SMARCC1: variants seen among roughly 807,000 people sequenced by gnomAD.
SMARCC1 encodes SWI/SNF complex subunit SMARCC1.
A neutral mutation model predicts 147.4 loss-of-function variants in SMARCC1; 43 were observed. The ratio of observed to expected loss-of-function variants is 0.29; its 90% confidence interval spans 0.23 to 0.38. The LOEUF (loss-of-function observed/expected upper bound fraction) is 0.38. Ranked by LOEUF, SMARCC1 falls within the 10% of genes least tolerant of loss-of-function variation. The probability of loss-of-function intolerance (pLI) is 1.00; values close to 1 mark genes in which losing one functional copy is unlikely to be tolerated. For synonymous variants in SMARCC1, 495 were observed against 484.4 expected, an observed-to-expected ratio of 1.02 and a Z score of -0.29; for missense variants, 1,119 against 1,381.1, an observed-to-expected ratio of 0.81 and a Z score of 3.01.
chr3:47,764,404 G>T (rs1170829719), intron 2 of SMARCC1, among the ~76,000 whole-genome samples: 1 of 152,048 alleles, frequency 6.6e-6, no homozygotes, highest in Non-Finnish European at 1.5e-5. Context: ...CAGGGAGAGA[G>T]AGAAAGATGA....
At chr3:47,759,381 G>C (rs1387408254) in intron 2 of SMARCC1, among the ~76,000 whole-genome samples, 1 of 151,390 alleles carries the variant, frequency 6.6e-6, no homozygotes, top group Non-Finnish European at 1.5e-5. Flanking sequence ...CCAGCACTTT[G>C]GGAGGCTGAG....
At chr3:47,621,450 A>G (rs2032730236) in intron 25 of SMARCC1, among the ~76,000 whole-genome samples, 1 of 152,244 alleles carries the variant, frequency 6.6e-6, no homozygotes, top group Non-Finnish European at 1.5e-5. Context: ...TGTGGTACAT[A>G]TATACTATGA....
chr3:47,667,287 C>T (rs1218277227), intron 19 of SMARCC1, among the ~76,000 whole-genome samples: 1 of 148,748 alleles, frequency 6.7e-6, no homozygotes, highest in Non-Finnish European at 1.5e-5. Context: ...CACTGCACTC[C>T]AGCCTGGGCG....
intron 1 of SMARCC1, among the ~76,000 whole-genome samples, chr3:47,778,016 G>A (rs1392957135): frequency 6.6e-6 from 1 of 150,458 alleles, no homozygotes; most frequent in East Asian, 2.0e-4. Context: ...GCCCAGCCTG[G>A]CCAACATGGT....
chr3:47,773,069 A>G, intron 1 of SMARCC1, 133 bp from the exon 2 acceptor site: 1 of 641,400 alleles, frequency 1.6e-6, no homozygotes, highest in South Asian at 3.0e-5. Flanking sequence ...TCTGTGCTAT[A>G]AAGGAGCTTA....
chr3:47,657,652 A>G (rs1231852466), intron 21 of SMARCC1, among the ~76,000 whole-genome samples: 1 of 152,006 alleles, frequency 6.6e-6, no homozygotes, highest in East Asian at 1.9e-4. Context: ...ACACACACAC[A>G]CACCAACAAA....
At chr3:47,744,555 T>C (rs2034546227) in intron 3 of SMARCC1, among the ~76,000 whole-genome samples, 1 of 152,164 alleles carries the variant, frequency 6.6e-6, no homozygotes, top group Non-Finnish European at 1.5e-5. Flanking sequence ...AGTATTGGGT[T>C]AGCTTAACTT....
At chr3:47,660,604 C>T (rs1019323478) in intron 21 of SMARCC1, among the ~76,000 whole-genome samples, 1 of 152,056 alleles carries the variant, frequency 6.6e-6, no homozygotes, top group African/African-American at 2.4e-5. Context: ...AAACATTATG[C>T]TAAGTCAAAG....
At chr3:47,738,745 G>A (rs2034474655) in intron 3 of SMARCC1, among the ~76,000 whole-genome samples, 1 of 152,010 alleles carries the variant, frequency 6.6e-6, no homozygotes, top group Non-Finnish European at 1.5e-5. Context: ...ATAAAGGAAA[G>A]CATCTTGGGT....
At chr3:47,600,997 ATGAGAG>A (rs1351541601) in intron 26 of SMARCC1, among the ~76,000 whole-genome samples, 9 of 28,874 alleles carry the variant, frequency 3.1e-4, no homozygotes, top group African/African-American at 1.2e-3. Flanking sequence ...GAGGAAGAAA[ATGAGAG>A]AGAGAGAGAG....
chr3:47,694,867 CTATGTAA>C (rs2033829110), intron 11 of SMARCC1, among the ~76,000 whole-genome samples: 3 of 152,130 alleles, frequency 2.0e-5, no homozygotes, highest in African/African-American at 7.2e-5. Context: ...ACGGTAAATA[CTATGTAA>C]TTTAGTCTAA....
chr3:47,684,666 C>T (rs2033699425), intron 14 of SMARCC1, among the ~76,000 whole-genome samples: 1 of 152,092 alleles, frequency 6.6e-6, no homozygotes, highest in Admixed American at 6.6e-5. Context: ...TATTCTTGAA[C>T]TGCTGACCTC....
chr3:47,738,632 C>T (rs2034472809), intron 3 of SMARCC1, among the ~76,000 whole-genome samples: 1 of 151,598 alleles, frequency 6.6e-6, no homozygotes, highest in African/African-American at 2.4e-5. Flanking sequence ...TGCAGTGAGC[C>T]GGGATCACGC....
chr3:47,608,000 T>G (rs972579679), intron 26 of SMARCC1, among the ~76,000 whole-genome samples: 1 of 152,246 alleles, frequency 6.6e-6, no homozygotes, highest in Non-Finnish European at 1.5e-5. Context: ...TGGTCACCTT[T>G]GGTTACTGAG....
At chr3:47,646,916 T>C (rs193189734) in intron 21 of SMARCC1, among the ~76,000 whole-genome samples, 1 of 152,294 alleles carries the variant, frequency 6.6e-6, no homozygotes, top group East Asian at 1.9e-4. Context: ...CCTTATTTGT[T>C]CCTGTATAAA....
intron 2 of SMARCC1, among the ~76,000 whole-genome samples, chr3:47,754,074 G>C (rs1576431739): frequency 6.6e-6 from 1 of 152,070 alleles, no homozygotes; most frequent in East Asian, 1.9e-4. Context: ...TCTAATGATA[G>C]GTCACTGCTA....
intron 6 of SMARCC1, among the ~76,000 whole-genome samples, chr3:47,725,528 GC>G (rs1316258031): frequency 1.3e-5 from 2 of 151,890 alleles, no homozygotes; most frequent in African/African-American, 4.8e-5. Context: ...TTGGCTCACC[GC>G]AACCTCCGCC....
chr3:47,630,647 T>G (rs1191614767), intron 24 of SMARCC1, among the ~76,000 whole-genome samples: 1 of 152,178 alleles, frequency 6.6e-6, no homozygotes, highest in Non-Finnish European at 1.5e-5. Flanking sequence ...TCCTGACACA[T>G]TGAGAGGATT....
At chr3:47,664,041 G>A (rs1559638702) in intron 19 of SMARCC1, 2 of 600,732 alleles carry the variant, frequency 3.3e-6, no homozygotes, top group South Asian at 5.5e-5. Flanking sequence ...AGAGGCCCAT[G>A]CGTCGTTGGG....
Sources: gnomAD v4.1 joint callset for allele counts (sites outside exome capture counted in the v4.1 genomes callset) on GRCh38, gnomAD v4.1.1 for gene constraint, MANE v1.5 for transcripts, NCBI Gene and HGNC (gene_info 2026-07-23, HGNC 2026-07-21) for gene names.